BEND2: variants seen among roughly 807,000 people sequenced by gnomAD.
The protein encoded by BEND2 is BEN domain containing 2, also known as BEN domain-containing protein 2.
A neutral mutation model predicts 43.8 loss-of-function variants in BEND2; 19 were observed. The observed-to-expected ratio is 0.43, with a 90% CI of 0.30 to 0.64. BEND2 has a LOEUF of 0.64. Ranked by LOEUF, BEND2 falls within the 30% of genes least tolerant of loss-of-function variation. The pLI is 0.11. For synonymous variants in BEND2, 226 were observed against 210.1 expected, an observed-to-expected ratio of 1.08 and a Z score of -0.66; for missense variants, 544 against 574.0, an observed-to-expected ratio of 0.95 and a Z score of 0.53.
At position 18,174,282 on chromosome X, in the gene BEND2, C is replaced by T. The variant is rs373037349; in HGVS notation, c.1753-24G>A. The stretch of plus-strand genomic sequence containing the variant: ...TTCTGTTGAAACACAAAATCATATC[C>T]GTAAACAAAGTCCCACAGCAAGAAA... On this transcript the variant is annotated intron_variant, in intron 11 of 13. Transcript: ENST00000380033. 501 of 1,175,753 alleles carry T rather than the reference C, an allele frequency of 4.3e-4. No individual in the cohort carries two copies. In the African/African-American group the frequency reaches 7.6e-3, roughly 18 times the overall value.
chrX:18,209,589 A>T (rs893802399), intron 4 of BEND2, among the ~76,000 whole-genome samples: 2 of 112,195 alleles, frequency 1.8e-5, no homozygotes, highest in Non-Finnish European at 3.8e-5. Flanking sequence ...TCTTGCCAAA[A>T]ATGCATAATC....
At position 18,216,702 on chromosome X, in the gene BEND2, A is replaced by G; in HGVS notation, c.57T>C (p.Asp19=). 1 of 1,209,019 alleles carries G rather than the reference A, an allele frequency of 8.3e-7. No homozygotes were observed. Among genetic ancestry groups the G allele is most frequent in the South Asian group, 1.8e-5 (1 of 56,771 alleles). The change falls in exon 2 of 14, where the codon GAT becomes GAC. Residue 19 remains aspartate (D), a synonymous_variant. Transcript: ENST00000380033. ...DFVIITVDDS[D]DNNDCSIEMV... is the part of the protein sequence containing the mutation. Reference sequence around the variant, plus strand: ...TCTCAATACTGCAATCATTGTTATCATCACTGTCGTCGACAGTTATAATAA... The same window carrying G: ...TCTCAATACTGCAATCATTGTTATCGTCACTGTCGTCGACAGTTATAATAA...
chrX:18,208,259 G>A (rs909545471), intron 4 of BEND2, among the ~76,000 whole-genome samples: 8 of 110,611 alleles, frequency 7.2e-5, no homozygotes, highest in African/African-American at 2.6e-4. Flanking sequence ...AGGCCGGGGC[G>A]GGTGGATCAC....
intron 13 of BEND2, among the ~76,000 whole-genome samples, chrX:18,168,931 T>C (rs374320384): frequency 1.3e-4 from 15 of 111,586 alleles, no homozygotes; most frequent in African/African-American, 4.2e-4. Flanking sequence ...GATTTTAAGA[T>C]GTGCAAAAAG....
chrX:18,201,689 C>T (rs1444565590), intron 6 of BEND2, 126 bp downstream of exon 6: 6 of 810,128 alleles, frequency 7.4e-6, no homozygotes, highest in East Asian at 3.9e-5. Context: ...GACGGGTTTT[C>T]ACCATGTTGG....
chrX:18,216,707 T>C lies in BEND2; in HGVS notation c.52A>G (p.Ser18Gly), dbSNP rs1925685810. 1 of 1,206,963 alleles carries C rather than the reference T, an allele frequency of 8.3e-7. No individual in the cohort carries two copies. Among genetic ancestry groups the C allele is most frequent in the Admixed American group, 2.2e-5 (1 of 45,924 alleles). ...QDFVIITVDDSDDNNDCSIEM... is the reference protein window; with the variant it reads ...QDFVIITVDDGDDNNDCSIEM... ...ATACTGCAATCATTGTTATCATCAC[T>C]GTCGTCGACAGTTATAATAACAAAA... The change falls in exon 2 of 14, where the codon AGT becomes GGT. Residue 18 changes from serine to glycine, a missense_variant. This residue lies in a region of BEND2 where 501 missense variants were observed against 501.6 expected (regional missense o/e 1.00). Transcript: ENST00000380033.
rs768822281 is a variant in BEND2, at chrX:18,216,636, G to A, written c.123C>T (p.Asp41=). 29 of 1,207,700 alleles carry A rather than the reference G, an allele frequency of 2.4e-5. No homozygotes were observed. The highest frequency in any genetic ancestry group is 3.3e-5 in the Non-Finnish European group (29 of 891,943). Residue 41 remains aspartate (D), a synonymous_variant, in exon 2 of 14, where the codon GAC becomes GAT. Transcript: ENST00000380033. ...TGACATAAGTGGAATCATCTGCTAT[G>A]TCATTAGTGGAATTATCTGCTGTTT... is the stretch of plus-strand genomic sequence containing the variant. ...VSETADNSTN[D]IADDSTYVTA... is the part of the protein sequence containing the mutation.
At chrX:18,205,788 C>A (rs773849959) in intron 4 of BEND2, among the ~76,000 whole-genome samples, 2 of 110,201 alleles carry the variant, frequency 1.8e-5, no homozygotes, top group African/African-American at 3.3e-5. Context: ...ATTAGAAATG[C>A]CAAATTTCAG....
At chrX:18,215,202 T>C (rs1178411166) in intron 2 of BEND2, among the ~76,000 whole-genome samples, 2 of 111,779 alleles carry the variant, frequency 1.8e-5, no homozygotes, top group African/African-American at 3.3e-5. Flanking sequence ...TATATTCAGG[T>C]AGTTGTATAA....
At chrX:18,200,057 A>G (rs1925089390) in intron 6 of BEND2, among the ~76,000 whole-genome samples, 1 of 111,984 alleles carries the variant, frequency 8.9e-6, no homozygotes, top group African/African-American at 3.2e-5. Context: ...ATGAAAACTT[A>G]TATTTACAGA....
intron 12 of BEND2, among the ~76,000 whole-genome samples, chrX:18,173,108 T>G (rs948690527): frequency 2.7e-5 from 3 of 111,499 alleles, no homozygotes; most frequent in African/African-American, 9.8e-5. Flanking sequence ...CCACACACAC[T>G]GCAGTGACTG....
At chrX:18,169,406 TG>T (rs1334308861) in intron 13 of BEND2, among the ~76,000 whole-genome samples, 1 of 110,984 alleles carries the variant, frequency 9.0e-6, no homozygotes, top group African/African-American at 3.3e-5. Context: ...TTATCGGTGA[TG>T]GGGGTAGACA....
intron 8 of BEND2, among the ~76,000 whole-genome samples, chrX:18,182,639 G>T (rs752695013): frequency 9.0e-6 from 1 of 111,416 alleles, no homozygotes; most frequent in African/African-American, 3.3e-5. Flanking sequence ...CCAATCAAAA[G>T]TGTCTCAAAA....
At chrX:18,167,462 A>G (rs979489452) in intron 13 of BEND2, among the ~76,000 whole-genome samples, 2 of 112,180 alleles carry the variant, frequency 1.8e-5, no homozygotes, top group Non-Finnish European at 3.8e-5. Flanking sequence ...AGGTACTAGC[A>G]GTATAAATGG....
intron 12 of BEND2, among the ~76,000 whole-genome samples, chrX:18,171,413 C>T (rs113153712): frequency 1.8e-5 from 2 of 111,724 alleles, no homozygotes; most frequent in African/African-American, 6.5e-5. Flanking sequence ...ACAATCATGG[C>T]TCACTGCAGC....
At chrX:18,188,059 T>C (rs139004932) in intron 8 of BEND2, among the ~76,000 whole-genome samples, 4 of 111,120 alleles carry the variant, frequency 3.6e-5, no homozygotes, top group African/African-American at 1.3e-4. Context: ...TTTATAGCTA[T>C]AAGTGCCTAC....
intron 4 of BEND2, among the ~76,000 whole-genome samples, chrX:18,206,196 A>G (rs778701664): frequency 9.0e-6 from 1 of 111,424 alleles, no homozygotes; most frequent in East Asian, 2.8e-4. Context: ...GCGCCATGAC[A>G]CAGGCAGGAA....
At chrX:18,201,616 G>A (rs1042583582) in intron 6 of BEND2, among the ~76,000 whole-genome samples, 199 bp downstream of exon 6, 27 of 106,919 alleles carry the variant, frequency 2.5e-4, no homozygotes, top group Admixed American at 9.1e-4. Flanking sequence ...CTCGGCCTCC[G>A]GAGTAGCTGG....
chrX:18,195,484 T>C, intron 6 of BEND2, 42 bp from the exon 7 acceptor site: 4 of 1,125,479 alleles, frequency 3.6e-6, no homozygotes, highest in Non-Finnish European at 4.8e-6. Flanking sequence ...AAATTCTACA[T>C]GAGGTAAAAC....
Sources: allele counts gnomAD v4.1 joint callset (sites outside exome capture counted in the v4.1 genomes callset), GRCh38; gene constraint gnomAD v4.1.1; regional missense constraint gnomAD v4.1.1; transcripts MANE v1.5; gene names NCBI Gene and HGNC (gene_info 2026-07-23, HGNC 2026-07-21).